OR1J2: variants seen among roughly 807,000 people sequenced by gnomAD.
OR1J2 encodes olfactory receptor 1J2.
For missense variants in OR1J2, 304 were observed against 246.1 expected (o/e 1.24, Z -1.57); for synonymous variants, 142 against 99.7 (o/e 1.42, Z -2.52).
At chr9:122,467,124 T>C in the OR1J2 span, among the ~76,000 whole-genome samples, 1 of 152,158 alleles carries the variant, frequency 6.6e-6, no homozygotes, top group Admixed American at 6.5e-5. Flanking sequence ...CACATCCGGC[T>C]GGGAGTGTGG....
chr9:122,473,392 A>C, the OR1J2 span, among the ~76,000 whole-genome samples: 425 of 152,258 alleles, frequency 2.8e-3, no homozygotes, highest in African/African-American at 9.8e-3. Flanking sequence ...TCTCTCTAAA[A>C]GTATTCCTTG....
the OR1J2 span, chr9:122,519,046 AG>A: frequency 1.2e-6 from 1 of 827,412 alleles, no homozygotes; most frequent in Non-Finnish European, 2.0e-6. Flanking sequence ...ATCAGTAGCA[AG>A]GATCTTATTC....
the OR1J2 span, among the ~76,000 whole-genome samples, chr9:122,524,040 T>C: frequency 3.0e-3 from 459 of 152,282 alleles, 3 homozygotes; most frequent in African/African-American, 0.01. Flanking sequence ...TGAGCTTATG[T>C]TTTGGGGATG....
At chr9:122,549,404 C>T in the OR1J2 span, among the ~76,000 whole-genome samples, 27 of 152,140 alleles carry the variant, frequency 1.8e-4, no homozygotes, top group Non-Finnish European at 2.9e-5. Flanking sequence ...TACCCACCCT[C>T]AGATTTTCCT....
chr9:122,489,303 T>C, the OR1J2 span, among the ~76,000 whole-genome samples: 1 of 151,588 alleles, frequency 6.6e-6, no homozygotes, highest in Non-Finnish European at 1.5e-5. Flanking sequence ...ATATTTACAC[T>C]CGCCAGACTA....
At chr9:122,539,159 G>A in the OR1J2 span, among the ~76,000 whole-genome samples, 2 of 152,092 alleles carry the variant, frequency 1.3e-5, no homozygotes, top group Admixed American at 6.5e-5. Context: ...GGGTACATGT[G>A]CACAATGTGC....
chr9:122,551,421 T>A, the OR1J2 span, among the ~76,000 whole-genome samples: 137 of 152,308 alleles, frequency 9.0e-4, no homozygotes, highest in African/African-American at 3.2e-3. Context: ...TTTTGGAGTT[T>A]TTGAGGGTAT....
the OR1J2 span, chr9:122,553,547 C>T: frequency 6.2e-7 from 1 of 1,614,108 alleles, no homozygotes; most frequent in Non-Finnish European, 8.5e-7. Context: ...TGTTTGGTGG[C>T]CTTGACAACT....
chr9:122,491,527 T>C, the OR1J2 span, among the ~76,000 whole-genome samples: 14,350 of 151,970 alleles, frequency 0.094, 935 homozygotes, highest in Admixed American at 0.15. Context: ...ATTAAGATAG[T>C]AGCAGAGAAA....
upstream of OR1J2, among the ~76,000 whole-genome samples, chr9:122,509,223 T>C (rs1387798739): frequency 6.6e-6 from 1 of 152,148 alleles, no homozygotes; most frequent in Non-Finnish European, 1.5e-5. Context: ...GTGGACATCT[T>C]TGGGGGTTCT....
chr9:122,543,692 G>A, the OR1J2 span, among the ~76,000 whole-genome samples: 1 of 152,188 alleles, frequency 6.6e-6, no homozygotes, highest in Non-Finnish European at 1.5e-5. Context: ...GAGGCCATGG[G>A]AAAGTATTCT....
At chr9:122,474,739 CAT>C in the OR1J2 span, among the ~76,000 whole-genome samples, 3 of 152,322 alleles carry the variant, frequency 2.0e-5, no homozygotes, top group African/African-American at 7.2e-5. Context: ...AGGTTTCACA[CAT>C]ATACATATGC....
At chr9:122,498,893 G>A in the OR1J2 span, among the ~76,000 whole-genome samples, 1 of 152,136 alleles carries the variant, frequency 6.6e-6, no homozygotes, top group Admixed American at 6.5e-5. Context: ...GGGGGGTAGG[G>A]TATTTTGGCA....
the OR1J2 span, chr9:122,477,595 T>G: frequency 6.2e-7 from 1 of 1,614,046 alleles, no homozygotes; most frequent in Non-Finnish European, 8.5e-7. Context: ...AAGGAAACTG[T>G]CTAAGTCAGC....
chr9:122,574,949 A>G, the OR1J2 span, among the ~76,000 whole-genome samples: 1 of 152,038 alleles, frequency 6.6e-6, no homozygotes, highest in Non-Finnish European at 1.5e-5. Flanking sequence ...GCATCTATTT[A>G]TGTATTCATG....
At chr9:122,508,867 T>C (rs1209698582), upstream of OR1J2, among the ~76,000 whole-genome samples, 1 of 152,206 alleles carries the variant, frequency 6.6e-6, no homozygotes, top group Non-Finnish European at 1.5e-5. Flanking sequence ...TGGGTATCAG[T>C]GGGTTAAAAC....
the OR1J2 span, among the ~76,000 whole-genome samples, chr9:122,465,209 G>A: frequency 6.6e-6 from 1 of 152,180 alleles, no homozygotes; most frequent in East Asian, 1.9e-4. Flanking sequence ...AAAATTTTGC[G>A]CGTCTGGGGA....
chr9:122,457,826 G>T, the OR1J2 span, among the ~76,000 whole-genome samples: 1 of 152,058 alleles, frequency 6.6e-6, no homozygotes, highest in Non-Finnish European at 1.5e-5. Flanking sequence ...CGACTTATTA[G>T]TCTAATGCAA....
the OR1J2 span, among the ~76,000 whole-genome samples, chr9:122,527,691 CA>C: frequency 3.9e-5 from 6 of 152,288 alleles, no homozygotes; most frequent in Non-Finnish European, 8.8e-5. Context: ...AATTTTGACA[CA>C]TCCTCATTCA....
Sources: gnomAD v4.1 joint callset for allele counts (sites outside exome capture counted in the v4.1 genomes callset) on GRCh38, gnomAD v4.1.1 for gene constraint, MANE v1.5 for transcripts, NCBI Gene and HGNC (gene_info 2026-07-23, HGNC 2026-07-21) for gene names.